Variants in BLTP1 observed in about 807,000 individuals in gnomAD.
BLTP1 encodes the protein bridge-like lipid transfer protein family member 1.
the BLTP1 span, chr4:122,349,133 T>TAA: frequency 1.1e-5 from 17 of 1,591,294 alleles, no homozygotes; most frequent in Admixed American, 5.2e-5. The surrounding 1 kb of genome is among the most constrained non-coding windows in gnomAD (Gnocchi z 4.5). Context: ...GCTATATATA[T>TAA]AATAACCTTT....
At chr4:122,189,178 G>C in the BLTP1 span, 14 of 798,834 alleles carry the variant, frequency 1.8e-5, no homozygotes, top group Non-Finnish European at 1.5e-6. Flanking sequence ...TCACTTAAGT[G>C]TGGAGATTAC....
At chr4:122,187,543 A>T in the BLTP1 span, 2 of 1,596,426 alleles carry the variant, frequency 1.3e-6, no homozygotes, top group East Asian at 4.5e-5. Context: ...TTACTGTTTC[A>T]TGGGGTAGTA....
the BLTP1 span, among the ~76,000 whole-genome samples, chr4:122,233,140 C>A: frequency 1.3e-5 from 2 of 152,144 alleles, no homozygotes; most frequent in African/African-American, 4.8e-5. Flanking sequence ...GGAGGTGAAG[C>A]CCAGCCACCT....
the BLTP1 span, among the ~76,000 whole-genome samples, chr4:122,335,373 A>G: frequency 6.6e-6 from 1 of 152,246 alleles, no homozygotes; most frequent in Non-Finnish European, 1.5e-5. Context: ...GGCAAGGATC[A>G]TTGAATGTCA....
At chr4:122,305,979 A>G in the BLTP1 span, 1 of 1,612,324 alleles carries the variant, frequency 6.2e-7, no homozygotes, top group East Asian at 2.2e-5. Context: ...TTCTTCAGAT[A>G]GGGAAGCTGT....
chr4:122,152,334 G>A, the BLTP1 span: 9 of 985,718 alleles, frequency 9.1e-6, no homozygotes, highest in Non-Finnish European at 1.1e-5. Context: ...CGCAGGCGCA[G>A]TGCCGCCCGG....
At chr4:122,350,115 C>T in the BLTP1 span, 3 of 1,580,136 alleles carry the variant, frequency 1.9e-6, no homozygotes, top group South Asian at 2.3e-5. Flanking sequence ...CTTTATCTTT[C>T]ACTAAATATG....
chr4:122,189,920 T>C, the BLTP1 span: 8,038 of 1,526,256 alleles, frequency 5.3e-3, 26 homozygotes, highest in Middle Eastern at 7.4e-3. Context: ...TTTTCACCTA[T>C]TGCCAGCATT....
chr4:122,224,591 C>T, the BLTP1 span: 1 of 1,614,086 alleles, frequency 6.2e-7, no homozygotes, highest in Non-Finnish European at 8.5e-7. Flanking sequence ...AGCAGAAGGT[C>T]TTCCTTTGGG....
the BLTP1 span, chr4:122,239,457 T>C: frequency 1.5e-6 from 2 of 1,328,786 alleles, no homozygotes; most frequent in African/African-American, 3.0e-5. Flanking sequence ...TGATATTTGT[T>C]TTTATGCTTA....
At chr4:122,347,916 A>T in the BLTP1 span, 1 of 612,744 alleles carries the variant, frequency 1.6e-6, no homozygotes, top group South Asian at 2.3e-5. Flanking sequence ...AAAAAAAAAA[A>T]TCCCCAACAC....
chr4:122,331,464 G>T, the BLTP1 span: 2 of 1,611,850 alleles, frequency 1.2e-6, no homozygotes, highest in Non-Finnish European at 1.7e-6. Flanking sequence ...TTGATATACG[G>T]GTTGAAATTG....
At chr4:122,204,026 C>T in the BLTP1 span, 1 of 191,346 alleles carries the variant, frequency 5.2e-6, no homozygotes, top group Non-Finnish European at 9.6e-6. Flanking sequence ...AGATAAAATA[C>T]AACCAATATA....
chr4:122,309,524 CAT>C, the BLTP1 span: 1 of 1,495,452 alleles, frequency 6.7e-7, no homozygotes, highest in South Asian at 1.2e-5. Flanking sequence ...ATTAAGTCTC[CAT>C]TTGTGAAATT....
the BLTP1 span, chr4:122,161,047 C>G: frequency 2.2e-6 from 1 of 459,816 alleles, no homozygotes; most frequent in East Asian, 1.5e-4. Context: ...AGTAATGGTG[C>G]TATGTGCTAA....
the BLTP1 span, among the ~76,000 whole-genome samples, chr4:122,218,694 G>GA: frequency 1.3e-3 from 12 of 9,118 alleles, no homozygotes; most frequent in Non-Finnish European, 0.031. Context: ...AGAATCAATG[G>GA]GAAAAAATAA....
At chr4:122,278,920 A>G in the BLTP1 span, among the ~76,000 whole-genome samples, 1 of 152,164 alleles carries the variant, frequency 6.6e-6, no homozygotes, top group African/African-American at 2.4e-5. Flanking sequence ...GGGAGCCACC[A>G]TGCCCAGCCA....
the BLTP1 span, chr4:122,249,581 C>T: frequency 6.2e-7 from 1 of 1,613,736 alleles, no homozygotes. Context: ...GTGGATGAAA[C>T]TGATCAGCAA....
the BLTP1 span, chr4:122,362,516 A>G: frequency 5.0e-6 from 1 of 199,638 alleles, no homozygotes; most frequent in Middle Eastern, 1.9e-3. Context: ...CAATTCCTGC[A>G]TCTTTAAAAT....
Sources: allele counts gnomAD v4.1 joint callset (sites outside exome capture counted in the v4.1 genomes callset), GRCh38; gene constraint gnomAD v4.1.1; non-coding constraint Gnocchi (gnomAD v3.1); transcripts MANE v1.5; gene names NCBI Gene and HGNC (gene_info 2026-07-23, HGNC 2026-07-21).